Variants in NBEA observed in about 807,000 individuals in gnomAD.
NBEA encodes neurobeachin, also known as lysosomal-trafficking regulator 2.
Under a neutral mutation model 343.4 loss-of-function variants are expected in NBEA, and 44 were observed. The ratio of observed to expected loss-of-function variants is 0.13; its 90% confidence interval spans 0.10 to 0.16. NBEA has a LOEUF of 0.16. NBEA is among the 10% of genes least tolerant of loss of function. NBEA has a pLI of 1.00. For synonymous variants in NBEA, 1,175 were observed against 1,238.7 expected, an observed-to-expected ratio of 0.95 and a Z score of 1.08; for missense variants, 2,555 against 3,631.3, an observed-to-expected ratio of 0.70 and a Z score of 7.62.
chr13:35,076,777 G>A (rs74051237), intron 10 of NBEA, among the ~76,000 whole-genome samples: 4,185 of 151,994 alleles, frequency 0.028, 84 homozygotes, highest in South Asian at 0.074. Context: ...ACATTCTGTT[G>A]TCTTTAATTT....
At chr13:34,987,714 ACTTCT>A (rs2060603236) in intron 1 of NBEA, among the ~76,000 whole-genome samples, 1 of 150,294 alleles carries the variant, frequency 6.7e-6, no homozygotes, top group African/African-American at 2.4e-5. Flanking sequence ...TTTTTCTCTA[ACTTCT>A]CTTCTCGCTT....
At chr13:35,504,882 G>T (rs1255809231) in intron 41 of NBEA, among the ~76,000 whole-genome samples, 1 of 152,074 alleles carries the variant, frequency 6.6e-6, no homozygotes, top group African/African-American at 2.4e-5. Flanking sequence ...AAAGTGCTGG[G>T]ATTACAGGCG....
At chr13:35,549,469 GA>G (rs2079211893) in intron 41 of NBEA, among the ~76,000 whole-genome samples, 1 of 152,122 alleles carries the variant, frequency 6.6e-6, no homozygotes, top group Non-Finnish European at 1.5e-5. Context: ...TATCAGGAAG[GA>G]ATGTGCTTGT....
chr13:35,188,910 T>G (rs1048405159), intron 30 of NBEA, among the ~76,000 whole-genome samples: 1 of 141,892 alleles, frequency 7.0e-6, no homozygotes, highest in Non-Finnish European at 1.6e-5. Flanking sequence ...CTTTTTGTTT[T>G]TTTTTTTTTT....
At chr13:35,449,516 C>G (rs905382755) in intron 39 of NBEA, among the ~76,000 whole-genome samples, 1 of 152,188 alleles carries the variant, frequency 6.6e-6, no homozygotes, top group African/African-American at 2.4e-5. Flanking sequence ...AGAAATATAG[C>G]TGAGAAGACC....
intron 39 of NBEA, among the ~76,000 whole-genome samples, chr13:35,436,642 G>T (rs143169133): frequency 1.4e-3 from 210 of 151,666 alleles, no homozygotes; most frequent in African/African-American, 4.9e-3. Flanking sequence ...CCCGGGAGAC[G>T]GAGCTTGCAG....
rs1233511170 is a variant in NBEA at position 35,360,075 on chromosome 13, GT to G, written c.6179+7753del. On this transcript the variant is annotated intron_variant, in intron 38 of 58. Coordinates refer to ENST00000379939, the MANE Select transcript of NBEA (RefSeq NM_001385012.1). ...TCATAGAGATCAAATGTCTTGCCCTGTATTACACAGCTAAGTAATAGAGACA... is the reference window on the plus strand; with the variant it reads ...TCATAGAGATCAAATGTCTTGCCCTGATTACACAGCTAAGTAATAGAGACA... Among the ~76,000 whole-genome samples the G allele has an allele frequency of 1.1e-4, 16 of 152,052 alleles. No individual in the cohort carries two copies. In the East Asian group the frequency reaches 3.1e-3, roughly 29 times the overall value.
At chr13:35,417,299 G>A (rs1160186011) in intron 38 of NBEA, among the ~76,000 whole-genome samples, 1 of 151,840 alleles carries the variant, frequency 6.6e-6, no homozygotes, top group East Asian at 1.9e-4. Context: ...GTTTGCTCTT[G>A]CTTCTCTAGT....
chr13:35,424,440 C>A (rs1244879765), intron 38 of NBEA, among the ~76,000 whole-genome samples: 1 of 152,068 alleles, frequency 6.6e-6, no homozygotes, highest in African/African-American at 2.4e-5. Flanking sequence ...TGTTTATATG[C>A]TGGATTACAT....
At chr13:35,114,072 C>A (rs1420024078) in intron 13 of NBEA, among the ~76,000 whole-genome samples, 1 of 152,086 alleles carries the variant, frequency 6.6e-6, no homozygotes, top group Non-Finnish European at 1.5e-5. Flanking sequence ...TCCAGGAAGC[C>A]CTGGTTTGTT....
chr13:35,432,231 T>C, intron 38 of NBEA, 38 bp from the exon 39 acceptor site: 1 of 1,533,234 alleles, frequency 6.5e-7, no homozygotes, highest in Non-Finnish European at 8.8e-7. Flanking sequence ...CTATGCATTG[T>C]TATTAATAGG....
chr13:35,307,588 A>C (rs918535464), intron 35 of NBEA, among the ~76,000 whole-genome samples: 8 of 152,012 alleles, frequency 5.3e-5, no homozygotes, highest in Non-Finnish European at 1.0e-4. Flanking sequence ...CTTACCGAAA[A>C]ATCTTATTCA....
At chr13:35,001,783 A>G (rs2061150116) in intron 1 of NBEA, among the ~76,000 whole-genome samples, 1 of 152,150 alleles carries the variant, frequency 6.6e-6, no homozygotes, top group Non-Finnish European at 1.5e-5. Context: ...AATTTATTGT[A>G]TATTTTGAAA....
In NBEA at chr13:35,378,634, G is replaced by A. The variant is rs1027286063; in HGVS notation, c.6179+26311G>A. The stretch of plus-strand genomic sequence containing the variant: ...ACAGGATATTTAAAAAGGCAAAGAG[G>A]CATGACTGATTTTTTTCCTTTATAT... On this transcript the variant is annotated intron_variant, in intron 38 of 58. Coordinates refer to ENST00000379939, the MANE Select transcript of NBEA (RefSeq NM_001385012.1). 2.0e-5 allele frequency among the ~76,000 whole-genome samples: 3 copies of A among 151,910 alleles called. No individual in the cohort carries two copies. The East Asian group carries it at 5.8e-4, about 29-fold the overall frequency.
At chr13:35,145,350 C>G (rs1167246462) in intron 18 of NBEA, among the ~76,000 whole-genome samples, 1 of 152,156 alleles carries the variant, frequency 6.6e-6, no homozygotes, top group Non-Finnish European at 1.5e-5. Context: ...GGTGTAGTTT[C>G]TTGGGCTTAG....
chr13:35,409,949 C>T (rs1008067858), intron 38 of NBEA, among the ~76,000 whole-genome samples: 2 of 151,976 alleles, frequency 1.3e-5, no homozygotes, highest in Non-Finnish European at 2.9e-5. Flanking sequence ...ACCATCTAAC[C>T]TATACTTTAA....
chr13:35,181,045 T>TAC (rs2071280883), intron 28 of NBEA, among the ~76,000 whole-genome samples: 3 of 151,866 alleles, frequency 2.0e-5, no homozygotes, highest in Non-Finnish European at 4.4e-5. Context: ...TGTATATATA[T>TAC]ACCACAGTTT....
At chr13:35,656,358 C>T (rs767285147) in intron 55 of NBEA, among the ~76,000 whole-genome samples, 21 of 152,140 alleles carry the variant, frequency 1.4e-4, no homozygotes, top group Non-Finnish European at 2.5e-4. Context: ...TGGACTCCTT[C>T]GTGAAATAAT....
intron 41 of NBEA, chr13:35,476,464 G>T (rs1165546917): frequency 4.9e-6 from 4 of 808,122 alleles, no homozygotes; most frequent in South Asian, 3.1e-5. Flanking sequence ...TGAGAGAACC[G>T]CATGGAGAGA....
Sources: allele counts gnomAD v4.1 joint callset (sites outside exome capture counted in the v4.1 genomes callset), GRCh38; gene constraint gnomAD v4.1.1; transcripts MANE v1.5; gene names NCBI Gene and HGNC (gene_info 2026-07-23, HGNC 2026-07-21).